Variants in FAF1 observed in about 807,000 individuals in gnomAD.
FAF1 encodes Fas associated factor 1, also known as FAS-associated factor 1.
In FAF1, 25 loss-of-function variants were observed where a neutral mutation model predicts 92.5. The ratio of observed to expected loss-of-function variants is 0.27; its 90% CI spans 0.20 to 0.38. The LOEUF (loss-of-function observed/expected upper bound fraction) is 0.38, where lower values mean the gene tolerates loss of function less well. Ranked by LOEUF, FAF1 falls within the 10% of genes least tolerant of loss-of-function variation. The pLI is 1.00. For missense variants in FAF1, 636 were observed against 793.3 expected, an observed-to-expected ratio of 0.80 and a Z score of 2.38; for synonymous variants, 234 against 273.2, an observed-to-expected ratio of 0.86 and a Z score of 1.42.
intron 6 of FAF1, among the ~76,000 whole-genome samples, chr1:50,714,484 CTG>C (rs1307464702): frequency 6.6e-6 from 1 of 152,112 alleles, no homozygotes; most frequent in Non-Finnish European, 1.5e-5. Context: ...GCACTCCAGC[CTG>C]GGCAGCAAGG....
intron 2 of FAF1, chr1:50,846,818 T>C (rs1570044543): frequency 1.6e-6 from 1 of 624,770 alleles, no homozygotes; most frequent in East Asian, 4.0e-5. Context: ...GAAAATTATA[T>C]TACACAAAGA....
At chr1:50,787,848 T>C in intron 4 of FAF1, 152 bp downstream of exon 4, 1 of 634,678 alleles carries the variant, frequency 1.6e-6, no homozygotes, top group South Asian at 2.0e-5. Context: ...TATTTAAAAA[T>C]AAAGCATAAT....
Position 50,731,493 on chromosome 1 carries a change from C to G in FAF1, c.551+7370G>C, listed in dbSNP as rs572963415. ...CACGCCATTCTCCTGCCTCAGCCTCCCCAGTAGCTGGGACTACAGGCACCT... is the reference window on the plus strand; with the variant it reads ...CACGCCATTCTCCTGCCTCAGCCTCGCCAGTAGCTGGGACTACAGGCACCT... On this transcript the variant is annotated intron_variant, in intron 6 of 18. Transcript: ENST00000396153. 1.5e-3 allele frequency among the ~76,000 whole-genome samples: 234 copies of G among 151,974 alleles called. 1 individual carries two copies. The highest frequency in any genetic ancestry group is 5.5e-3 in the African/African-American group (226 of 41,444).
chr1:50,841,905 C>A (rs1386870252), intron 2 of FAF1, among the ~76,000 whole-genome samples: 2 of 152,038 alleles, frequency 1.3e-5, no homozygotes, highest in Non-Finnish European at 2.9e-5. Flanking sequence ...AACCTTCATA[C>A]CAGTTGCTAA....
chr1:50,475,478 A>G lies in FAF1; in HGVS notation c.1855T>C (p.Phe619Leu). The change falls in exon 18 of 19, where the codon TTT (phenylalanine) becomes CTT (leucine). Residue 619 changes from phenylalanine to leucine, a missense_variant. Physicochemically the swap from Phe to Leu is conservative, Grantham distance 22. Transcript: ENST00000396153. ...PWDEYKLLST[F>L]PRRDVTQLDP... The stretch of plus-strand genomic sequence containing the variant: ...TGGGAACTTACGTCTCTCCTAGGAA[A>G]GGTGCTCAGTAACTTGTACTCATCC... 1 of 1,613,198 alleles carries G rather than the reference A, an allele frequency of 6.2e-7. No individual in the cohort carries two copies. The highest frequency in any genetic ancestry group is 8.5e-7 in the Non-Finnish European group (1 of 1,179,182).
intron 8 of FAF1, among the ~76,000 whole-genome samples, chr1:50,616,432 T>C (rs1652916422): frequency 6.6e-6 from 1 of 152,214 alleles, no homozygotes; most frequent in Non-Finnish European, 1.5e-5. Context: ...TTTGTCACTG[T>C]GGCCATTTTA....
chr1:50,931,351 T>C (rs752456983), intron 1 of FAF1, among the ~76,000 whole-genome samples: 3 of 152,204 alleles, frequency 2.0e-5, no homozygotes, highest in Non-Finnish European at 2.9e-5. Context: ...TGAGCATATG[T>C]ATTAGTTTGT....
At chr1:50,606,135 A>G (rs1024574152) in intron 8 of FAF1, among the ~76,000 whole-genome samples, 2 of 152,204 alleles carry the variant, frequency 1.3e-5, no homozygotes, top group African/African-American at 4.8e-5. Flanking sequence ...TGTCCTTGCC[A>G]GAAGGATTAT....
At chr1:50,652,135 T>G (rs528430953) in intron 8 of FAF1, among the ~76,000 whole-genome samples, 1 of 152,192 alleles carries the variant, frequency 6.6e-6, no homozygotes, top group South Asian at 2.1e-4. Context: ...ATGGCAATAA[T>G]GAGGCTAAAA....
chr1:50,477,565 C>T (rs979866133), intron 17 of FAF1, among the ~76,000 whole-genome samples: 41 of 152,108 alleles, frequency 2.7e-4, no homozygotes, highest in African/African-American at 9.7e-4. Flanking sequence ...TGTTCTGCGA[C>T]AGCAATGAGT....
chr1:50,842,539 A>T (rs558306704), intron 2 of FAF1, among the ~76,000 whole-genome samples: 1 of 152,216 alleles, frequency 6.6e-6, no homozygotes, highest in Non-Finnish European at 1.5e-5. Context: ...AGTCCTATAA[A>T]ACCAGACCCC....
chr1:50,501,622 C>T (rs1443361335), intron 15 of FAF1, among the ~76,000 whole-genome samples: 1 of 150,500 alleles, frequency 6.6e-6, no homozygotes, highest in African/African-American at 2.5e-5. Context: ...GATTGCACCA[C>T]TGCACTCCAG....
In FAF1 at chr1:50,959,889, G is replaced by C; in HGVS notation, c.-78C>G. The C allele has an allele frequency of 1.0e-6, 1 of 992,942 alleles. No individual in the cohort carries two copies. The highest frequency in any genetic ancestry group is 1.7e-5 in the African/African-American group (1 of 58,052). The allele number at this position is 992,942 out of a possible 1,614,324, so 61.5% of individuals were successfully genotyped here. A position where few individuals can be genotyped will look rare whatever the true frequency, so the allele number is the denominator to read the frequency against. The stretch of plus-strand genomic sequence containing the variant: ...GACGGCACCTCCTGCGACCGTCGCC[G>C]CCACCGCCGCCGCCGCCGCCGGGCG... On this transcript the variant is annotated 5_prime_UTR_variant, in exon 1 of 19. Transcript: ENST00000396153.
At chr1:50,522,322 C>T (rs1237051282) in intron 15 of FAF1, among the ~76,000 whole-genome samples, 1 of 152,136 alleles carries the variant, frequency 6.6e-6, no homozygotes, top group Non-Finnish European at 1.5e-5. Flanking sequence ...GGCCTTTACA[C>T]AGTTGTATTA....
chr1:50,588,386 TG>T lies in FAF1; in HGVS notation c.841-3576del, dbSNP rs1343651934. On this transcript the variant is annotated intron_variant, in intron 9 of 18. Transcript: ENST00000396153. Reference sequence around the variant, plus strand: ...AGTTACTAGAGTTTATTGGTTCCTTTGGTGGTATCATCTTTCCGAAATTCCT... The same window carrying T: ...AGTTACTAGAGTTTATTGGTTCCTTTGTGGTATCATCTTTCCGAAATTCCT... 2.0e-5 allele frequency among the ~76,000 whole-genome samples: 3 copies of T among 152,370 alleles called. No homozygotes were observed. The East Asian group carries it at 5.8e-4, about 29-fold the overall frequency.
At chr1:50,558,930 A>G (rs1215645122) in intron 13 of FAF1, among the ~76,000 whole-genome samples, 11 of 152,220 alleles carry the variant, frequency 7.2e-5, no homozygotes. Flanking sequence ...GTAATTTTAA[A>G]TTATCTCAAA....
At chr1:50,746,269 TATATATATATATATA>T (rs1659593511) in intron 4 of FAF1, among the ~76,000 whole-genome samples, 2 of 21,530 alleles carry the variant, frequency 9.3e-5, no homozygotes, top group African/African-American at 4.4e-4. Context: ...TATATATATA[TATATATATATATATA>T]TATATATATT....
At chr1:50,467,298 A>G (rs1646509029) in intron 18 of FAF1, among the ~76,000 whole-genome samples, 1 of 152,116 alleles carries the variant, frequency 6.6e-6, no homozygotes. Flanking sequence ...TGTAACACTG[A>G]GCTTCATTTA....
intron 17 of FAF1, among the ~76,000 whole-genome samples, chr1:50,485,335 C>G (rs1481039114): frequency 6.6e-6 from 1 of 151,874 alleles, no homozygotes; most frequent in Non-Finnish European, 1.5e-5. Flanking sequence ...ATCATCCTTA[C>G]CAATTGTATT....
Sources: allele counts gnomAD v4.1 joint callset (sites outside exome capture counted in the v4.1 genomes callset), GRCh38; gene constraint gnomAD v4.1.1; transcripts MANE v1.5; gene names NCBI Gene and HGNC (gene_info 2026-07-23, HGNC 2026-07-21).